ERBB4: variants seen among roughly 807,000 people sequenced by gnomAD.
The protein encoded by ERBB4 is receptor tyrosine-protein kinase erbB-4.
ERBB4 carries 42 observed loss-of-function variants against 158.0 expected under a neutral mutation model. The ratio of observed to expected loss-of-function variants is 0.27; its 90% CI spans 0.21 to 0.34. The LOEUF (loss-of-function observed/expected upper bound fraction) is 0.34, where lower values mean the gene tolerates loss of function less well. Ranked by LOEUF, ERBB4 falls within the 10% of genes least tolerant of loss-of-function variation. ERBB4 has a pLI of 1.00. For missense variants in ERBB4, 1,333 were observed against 1,624.1 expected, an observed-to-expected ratio of 0.82 and a Z score of 3.08; for synonymous variants, 583 against 558.7, an observed-to-expected ratio of 1.04 and a Z score of -0.61.
chr2:211,990,015 C>T (rs1420544901), intron 2 of ERBB4, among the ~76,000 whole-genome samples: 3 of 151,114 alleles, frequency 2.0e-5, no homozygotes, highest in African/African-American at 7.3e-5. Flanking sequence ...AAAATAATCC[C>T]TGTAAATAAG....
chr2:211,541,777 T>C (rs2066816203), intron 20 of ERBB4, among the ~76,000 whole-genome samples: 1 of 152,022 alleles, frequency 6.6e-6, no homozygotes, highest in African/African-American at 2.4e-5. Context: ...AGTTCAGCAG[T>C]TTCTCCCTAT....
At chr2:212,465,067 A>G (rs920879787) in intron 1 of ERBB4, among the ~76,000 whole-genome samples, 1 of 152,142 alleles carries the variant, frequency 6.6e-6, no homozygotes, top group Non-Finnish European at 1.5e-5. Flanking sequence ...CACTTGAAAT[A>G]AATGTAAAGT....
intron 1 of ERBB4, among the ~76,000 whole-genome samples, chr2:212,183,369 C>A (rs1388007753): frequency 6.6e-6 from 1 of 151,962 alleles, no homozygotes; most frequent in African/African-American, 2.4e-5. Context: ...GTAGTCTAGA[C>A]AATTTGCTAT....
At chr2:212,211,196 A>G (rs960239844) in intron 1 of ERBB4, among the ~76,000 whole-genome samples, 2 of 152,090 alleles carry the variant, frequency 1.3e-5, no homozygotes, top group African/African-American at 4.8e-5. Context: ...TGCTTGCACT[A>G]CTGTAGCTTC....
At chr2:211,710,598 G>A (rs943327677) in intron 9 of ERBB4, among the ~76,000 whole-genome samples, 9 of 152,082 alleles carry the variant, frequency 5.9e-5, no homozygotes, top group Admixed American at 5.2e-4. Flanking sequence ...CTTTGGCTAT[G>A]TCCTCATCAA....
chr2:212,041,214 G>C (rs2077133238), intron 2 of ERBB4, among the ~76,000 whole-genome samples: 1 of 152,094 alleles, frequency 6.6e-6, no homozygotes, highest in Non-Finnish European at 1.5e-5. Context: ...TGTTATTTTA[G>C]AAAAACGGTA....
chr2:211,660,637 T>C (rs527920565), intron 15 of ERBB4, among the ~76,000 whole-genome samples: 4 of 152,092 alleles, frequency 2.6e-5, no homozygotes, highest in African/African-American at 9.6e-5. Flanking sequence ...GAAAGATGAG[T>C]GGTTAACGGG....
rs1032605500 is a variant in ERBB4, at chr2:212,025,009, T to C, written c.235-77393A>G. ...ACCAGTACCTCCTTTAAAAAGTTAC[T>C]GTAAAATAAACATGTACCATTAATG... On this transcript the variant is annotated intron_variant, in intron 2 of 27. Transcript: ENST00000342788. 3.9e-5 allele frequency among the ~76,000 whole-genome samples: 6 copies of C among 151,952 alleles called. No homozygotes were observed. In the East Asian group the frequency reaches 1.2e-3, roughly 29 times the overall value.
At chr2:211,669,740 T>C (rs1314036240) in intron 14 of ERBB4, among the ~76,000 whole-genome samples, 5 of 152,186 alleles carry the variant, frequency 3.3e-5, no homozygotes, top group Admixed American at 2.0e-4. Context: ...TCATAGTCCC[T>C]GAAAGCATTT....
chr2:211,400,940 T>TA (rs2063028688), intron 25 of ERBB4, among the ~76,000 whole-genome samples: 1 of 152,030 alleles, frequency 6.6e-6, no homozygotes, highest in Non-Finnish European at 1.5e-5. Context: ...TATTTAAAAA[T>TA]TTTTAAAAAG....
At chr2:212,187,150 T>C (rs1265137034) in intron 1 of ERBB4, among the ~76,000 whole-genome samples, 1 of 152,008 alleles carries the variant, frequency 6.6e-6, no homozygotes, top group Non-Finnish European at 1.5e-5. Context: ...CAGATGACAG[T>C]CAAAGATGAT....
chr2:211,848,375 T>A (rs763273218), intron 3 of ERBB4, among the ~76,000 whole-genome samples: 4 of 152,094 alleles, frequency 2.6e-5, no homozygotes, highest in Non-Finnish European at 5.9e-5. Context: ...CTTCTTTATA[T>A]GGAAATTGCA....
chr2:212,185,034 C>CTTTTTTTTTTTTTTT, intron 1 of ERBB4, among the ~76,000 whole-genome samples: 1 of 132,620 alleles, frequency 7.5e-6, no homozygotes, highest in African/African-American at 2.8e-5. Context: ...TTTTTTTTTT[C>CTTTTTTTTTTTTTTT]TTTTGAGACA....
chr2:211,887,599 T>C (rs1309407705), intron 3 of ERBB4, among the ~76,000 whole-genome samples: 2 of 152,222 alleles, frequency 1.3e-5, no homozygotes, highest in African/African-American at 4.8e-5. Context: ...TAAACAAATA[T>C]ACCTAATTAT....
chr2:211,429,587 C>A (rs1379382556), intron 21 of ERBB4, among the ~76,000 whole-genome samples: 1 of 152,152 alleles, frequency 6.6e-6, no homozygotes, highest in Non-Finnish European at 1.5e-5. Flanking sequence ...TAATTAGATT[C>A]TATGGAATAA....
At position 212,191,658 on chromosome 2, in the gene ERBB4, A is replaced by G. The variant is rs367672095; in HGVS notation, c.83-66755T>C. Among the ~76,000 whole-genome samples the G allele has an allele frequency of 2.1e-5, 3 of 142,560 alleles. 1 individual carries two copies. The highest frequency in any genetic ancestry group is 5.2e-5 in the African/African-American group (2 of 38,434). The allele number at this position is 142,560 out of a possible 152,430, so 93.5% of individuals were successfully genotyped here. Reference sequence around the variant, plus strand: ...GCATGCTATATATAACACATGCGTTATACATGTCATATATCGCGTGTGTTA... The same window carrying G: ...GCATGCTATATATAACACATGCGTTGTACATGTCATATATCGCGTGTGTTA... On this transcript the variant is annotated intron_variant, in intron 1 of 27. Coordinates refer to ENST00000342788, the MANE Select transcript of ERBB4 (RefSeq NM_005235.3).
At chr2:211,878,858 C>T (rs1207940656) in intron 3 of ERBB4, among the ~76,000 whole-genome samples, 1 of 151,912 alleles carries the variant, frequency 6.6e-6, no homozygotes, top group African/African-American at 2.4e-5. Flanking sequence ...TAGAGAAAAA[C>T]ACAGGATAAT....
chr2:211,991,673 G>T (rs1193082536), intron 2 of ERBB4, among the ~76,000 whole-genome samples: 1 of 152,112 alleles, frequency 6.6e-6, no homozygotes, highest in Non-Finnish European at 1.5e-5. Flanking sequence ...GCCTACCTAG[G>T]ATAGAAAAGA....
intron 3 of ERBB4, among the ~76,000 whole-genome samples, chr2:211,839,005 T>C (rs938059758): frequency 6.6e-6 from 1 of 152,170 alleles, no homozygotes; most frequent in Non-Finnish European, 1.5e-5. Context: ...TTTTACTGTA[T>C]GTGCATTCTT....
Sources: gnomAD v4.1 joint callset for allele counts (sites outside exome capture counted in the v4.1 genomes callset) on GRCh38, gnomAD v4.1.1 for gene constraint, MANE v1.5 for transcripts, NCBI Gene and HGNC (gene_info 2026-07-23, HGNC 2026-07-21) for gene names.